The following AFG2B variants were observed in gnomAD, a reference collection of about 807,000 sequenced individuals.
AFG2B encodes ATPase family gene 2 protein homolog B.
the AFG2B span, chr15:45,417,219 AC>A: frequency 6.3e-7 from 1 of 1,575,424 alleles, no homozygotes; most frequent in African/African-American, 1.4e-5. Context: ...TTTTTAGAAA[AC>A]TTATTAACAA....
At chr15:45,402,428 C>T in the AFG2B span, 7 of 1,600,328 alleles carry the variant, frequency 4.4e-6, no homozygotes, top group South Asian at 3.4e-5. Context: ...CATCTGTGTG[C>T]GATGGCTCCG....
chr15:45,411,675 C>T, the AFG2B span, among the ~76,000 whole-genome samples: 3 of 152,084 alleles, frequency 2.0e-5, no homozygotes, highest in Non-Finnish European at 4.4e-5. Flanking sequence ...GTCCTAGCTA[C>T]TCAGGAGGAT....
chr15:45,415,767 T>C, the AFG2B span: 19 of 1,613,486 alleles, frequency 1.2e-5, no homozygotes, highest in Non-Finnish European at 3.4e-6. Context: ...AGGAAGTAAA[T>C]CAAGTCAACA....
At chr15:45,407,335 G>A in the AFG2B span, 1 of 751,046 alleles carries the variant, frequency 1.3e-6, no homozygotes, top group Non-Finnish European at 1.8e-6. Context: ...TTTTTGTGAA[G>A]TATTCCTATT....
the AFG2B span, chr15:45,415,514 A>AC: frequency 8.0e-7 from 1 of 1,253,882 alleles, no homozygotes; most frequent in Non-Finnish European, 1.1e-6. Flanking sequence ...AAAAAAAAAC[A>AC]GGATTATAAA....
the AFG2B span, chr15:45,405,267 A>C: frequency 6.7e-7 from 1 of 1,498,242 alleles, no homozygotes; most frequent in African/African-American, 1.4e-5. Flanking sequence ...TAAAAATAAT[A>C]TATTTTAAAC....
chr15:45,417,385 C>G, the AFG2B span: 2 of 1,613,808 alleles, frequency 1.2e-6, no homozygotes, highest in Non-Finnish European at 1.7e-6. Context: ...CTATATCCCA[C>G]CTCCAGATCA....
the AFG2B span, among the ~76,000 whole-genome samples, chr15:45,412,466 A>G: frequency 7.2e-5 from 11 of 152,222 alleles, no homozygotes; most frequent in South Asian, 2.1e-4. Flanking sequence ...CACATAGTCA[A>G]TGTTTTAAGC....
chr15:45,417,386 C>G, the AFG2B span: 1 of 1,613,916 alleles, frequency 6.2e-7, no homozygotes, highest in Non-Finnish European at 8.5e-7. Flanking sequence ...TATATCCCAC[C>G]TCCAGATCAC....
chr15:45,414,873 T>C, the AFG2B span: 1 of 1,116,004 alleles, frequency 9.0e-7, no homozygotes, highest in Middle Eastern at 3.0e-4. Context: ...CTAGTGTTTT[T>C]TCCAGTTAAA....
the AFG2B span, chr15:45,402,409 T>G: frequency 1.3e-6 from 2 of 1,574,946 alleles, no homozygotes; most frequent in South Asian, 1.2e-5. Flanking sequence ...TGGTTTCGTC[T>G]GCCTGGTTCA....
At chr15:45,410,458 A>G in the AFG2B span, 8 of 1,613,642 alleles carry the variant, frequency 5.0e-6, no homozygotes, top group East Asian at 1.8e-4. Context: ...GCGTCATTGG[A>G]TTAATGGATA....
the AFG2B span, among the ~76,000 whole-genome samples, chr15:45,412,661 A>G: frequency 1.3e-5 from 2 of 152,146 alleles, no homozygotes; most frequent in African/African-American, 4.8e-5. Flanking sequence ...TGTAAAAACT[A>G]TTCTTAGTTT....
At chr15:45,416,268 T>C in the AFG2B span, among the ~76,000 whole-genome samples, 1 of 152,182 alleles carries the variant, frequency 6.6e-6, no homozygotes, top group Non-Finnish European at 1.5e-5. Flanking sequence ...TCTGAATGAA[T>C]GAATGAATGA....
the AFG2B span, among the ~76,000 whole-genome samples, chr15:45,404,922 C>T: frequency 6.6e-6 from 1 of 150,978 alleles, no homozygotes; most frequent in Non-Finnish European, 1.5e-5. Flanking sequence ...CATAATTGTG[C>T]ATGTTTTGGG....
the AFG2B span, chr15:45,407,345 T>A: frequency 1.5e-6 from 1 of 659,600 alleles, no homozygotes; most frequent in Non-Finnish European, 2.1e-6. Context: ...GTATTCCTAT[T>A]AAAGGATTAG....
the AFG2B span, among the ~76,000 whole-genome samples, chr15:45,415,127 C>T: frequency 2.0e-5 from 3 of 152,022 alleles, no homozygotes; most frequent in Non-Finnish European, 4.4e-5. Context: ...TTACATAATA[C>T]TCCATTGTTT....
chr15:45,406,165 A>G, the AFG2B span, among the ~76,000 whole-genome samples: 1 of 152,220 alleles, frequency 6.6e-6, no homozygotes, highest in Non-Finnish European at 1.5e-5. Context: ...TCTTCTATGA[A>G]AACATAACTT....
the AFG2B span, chr15:45,417,289 C>T: frequency 1.2e-5 from 19 of 1,613,352 alleles, no homozygotes; most frequent in Admixed American, 5.0e-5. Flanking sequence ...AGTTTTTAAC[C>T]GAAGTGTCAT....
Sources: allele counts gnomAD v4.1 joint callset (sites outside exome capture counted in the v4.1 genomes callset), GRCh38; gene constraint gnomAD v4.1.1; transcripts MANE v1.5; gene names NCBI Gene and HGNC (gene_info 2026-07-23, HGNC 2026-07-21).